ULK4: variants seen among roughly 807,000 people sequenced by gnomAD.
ULK4 encodes inactive serine/threonine-protein kinase ULK4.
ULK4 carries 133 observed loss-of-function variants against 160.6 expected under a neutral mutation model. The observed-to-expected ratio is 0.83, with a 90% CI of 0.72 to 0.96. ULK4 has a LOEUF of 0.96. ULK4 is among the 40% of genes least tolerant of loss of function. The pLI, the probability that ULK4 is intolerant of heterozygous loss-of-function variation, is 0.00. For synonymous variants in ULK4, 534 were observed against 539.8 expected (o/e 0.99, Z 0.15); for missense variants, 1,580 against 1,499.5 (o/e 1.05, Z -0.89).
chr3:41,277,578 G>A (rs760909554), intron 35 of ULK4, among the ~76,000 whole-genome samples: 3 of 136,662 alleles, frequency 2.2e-5, no homozygotes, highest in South Asian at 2.2e-4. Context: ...CAGCAAAAGC[G>A]GCATAAAAGG....
chr3:41,803,806 G>T (rs1218000410), intron 19 of ULK4, among the ~76,000 whole-genome samples: 1 of 152,102 alleles, frequency 6.6e-6, no homozygotes. Flanking sequence ...CCCTACAAAG[G>T]ACATGAACTC....
chr3:41,470,263 A>G (rs369640276), intron 32 of ULK4, among the ~76,000 whole-genome samples: 118 of 152,296 alleles, frequency 7.7e-4, no homozygotes, highest in African/African-American at 2.8e-3. Context: ...GGGAGTCCCA[A>G]TACAATGTCA....
chr3:41,928,065 C>T (rs1699447449), intron 5 of ULK4, among the ~76,000 whole-genome samples: 2 of 152,156 alleles, frequency 1.3e-5, no homozygotes, highest in Non-Finnish European at 2.9e-5. Flanking sequence ...TTCTCAGCAC[C>T]ACATCACACT....
chr3:41,866,304 A>G (rs1358838053), intron 17 of ULK4, among the ~76,000 whole-genome samples: 3 of 152,198 alleles, frequency 2.0e-5, no homozygotes, highest in African/African-American at 4.8e-5. Flanking sequence ...TGTTGACTGA[A>G]TATAATTAAG....
intron 34 of ULK4, among the ~76,000 whole-genome samples, chr3:41,418,269 A>G (rs1406405053): frequency 6.9e-6 from 1 of 145,744 alleles, no homozygotes; most frequent in Non-Finnish European, 1.5e-5. Context: ...GATAACATAA[A>G]CAGTCAATTG....
chr3:41,870,467 C>T (rs945086403), intron 17 of ULK4, among the ~76,000 whole-genome samples: 1 of 152,066 alleles, frequency 6.6e-6, no homozygotes, highest in African/African-American at 2.4e-5. Flanking sequence ...CTGATTCTGT[C>T]TTCTATTATG....
chr3:41,810,776 T>C (rs562773974), intron 19 of ULK4, among the ~76,000 whole-genome samples: 2 of 152,356 alleles, frequency 1.3e-5, no homozygotes, highest in Non-Finnish European at 2.9e-5. Context: ...GTTGGGCTAG[T>C]TCTCATTTTT....
chr3:41,249,725 G>A, intron 35 of ULK4, 151 bp from the exon 36 acceptor site: 2 of 722,144 alleles, frequency 2.8e-6, no homozygotes, highest in Non-Finnish European at 4.5e-6. Context: ...TAACCCCCAT[G>A]CGTAACCTCC....
intron 35 of ULK4, among the ~76,000 whole-genome samples, chr3:41,379,376 G>A (rs1376540230): frequency 1.3e-5 from 2 of 152,086 alleles, no homozygotes; most frequent in African/African-American, 4.8e-5. Context: ...CTTGCTTCAG[G>A]GAGGGTCATG....
At chr3:41,481,647 G>T (rs1403483562) in intron 32 of ULK4, among the ~76,000 whole-genome samples, 2 of 151,476 alleles carry the variant, frequency 1.3e-5, no homozygotes, top group African/African-American at 4.9e-5. Context: ...CTAAAACGGT[G>T]AAACCCCGTC....
At position 41,677,996 on chromosome 3, in the gene ULK4, CTTTG is replaced by C. The variant is rs1402720008; in HGVS notation, c.2978+3508_2978+3511del. 1.3e-4 allele frequency among the ~76,000 whole-genome samples: 20 copies of C among 152,202 alleles called. No homozygotes were observed. In the Middle Eastern group the frequency reaches 0.01, roughly 78 times the overall value. ...GACTGCCTTGAACTGGGACACAGGT[CTTTG>C]CCTTTGAACTGGAACAGAAACACTG... is the stretch of plus-strand genomic sequence containing the variant. On this transcript the variant is annotated intron_variant, in intron 29 of 36. Transcript: ENST00000301831.
intron 34 of ULK4, among the ~76,000 whole-genome samples, chr3:41,432,657 C>T (rs1032066466): frequency 6.6e-6 from 1 of 152,170 alleles, no homozygotes; most frequent in Non-Finnish European, 1.5e-5. Context: ...ACATACACTG[C>T]TCCCAATTAC....
intron 27 of ULK4, among the ~76,000 whole-genome samples, chr3:41,701,801 A>G (rs2036683218): frequency 1.3e-5 from 2 of 152,314 alleles, no homozygotes; most frequent in Non-Finnish European, 1.5e-5. Context: ...GGAGTTAAGC[A>G]GGCTAAGGTC....
At chr3:41,425,547 G>T (rs2082758790) in intron 34 of ULK4, among the ~76,000 whole-genome samples, 1 of 152,108 alleles carries the variant, frequency 6.6e-6, no homozygotes, top group Non-Finnish European at 1.5e-5. Flanking sequence ...AGCCAGAAAG[G>T]CCAGGTCACC....
At chr3:41,575,368 C>A (rs574611843) in intron 31 of ULK4, among the ~76,000 whole-genome samples, 1 of 152,100 alleles carries the variant, frequency 6.6e-6, no homozygotes, top group African/African-American at 2.4e-5. Context: ...CCTCTGCCAA[C>A]GTGGTCGGGG....
intron 21 of ULK4, among the ~76,000 whole-genome samples, chr3:41,765,165 C>T (rs2039117135): frequency 1.3e-5 from 2 of 152,154 alleles, no homozygotes; most frequent in Non-Finnish European, 2.9e-5. Context: ...ACCCAAATGT[C>T]CATCAATGAT....
intron 35 of ULK4, among the ~76,000 whole-genome samples, chr3:41,387,628 G>T (rs976986867): frequency 6.6e-6 from 1 of 152,136 alleles, no homozygotes; most frequent in Non-Finnish European, 1.5e-5. Context: ...GCGGTGTTTG[G>T]TTTTTTGTCC....
rs76069515 is a variant in ULK4, at chr3:41,360,903, G to A, written c.3678+37176C>T. 1.1e-4 allele frequency among the ~76,000 whole-genome samples: 16 copies of A among 150,296 alleles called. No individual in the cohort carries two copies. In the East Asian group the frequency reaches 2.2e-3, roughly 20 times the overall value. On this transcript the variant is annotated intron_variant, in intron 35 of 36. Transcript: ENST00000301831. ...ACCTATGTAACACACCTGTACATCC[G>A]GCACATGTACCCCTGAACTTGAAAT...
chr3:41,688,719 C>T (rs1386877636), intron 27 of ULK4, among the ~76,000 whole-genome samples: 1 of 152,136 alleles, frequency 6.6e-6, no homozygotes, highest in Non-Finnish European at 1.5e-5. Context: ...AATTTAGTGT[C>T]CTTTCCAAGA....
Sources: allele counts gnomAD v4.1 joint callset (sites outside exome capture counted in the v4.1 genomes callset), GRCh38; gene constraint gnomAD v4.1.1; transcripts MANE v1.5; gene names NCBI Gene and HGNC (gene_info 2026-07-23, HGNC 2026-07-21).